Variants in DNM2 observed in about 807,000 individuals in gnomAD.
The protein encoded by DNM2 is dynamin 2.
Under a neutral mutation model 99.0 loss-of-function variants are expected in DNM2, and 15 were observed. The observed-to-expected ratio is 0.15, with a 90% CI of 0.10 to 0.23. The LOEUF (loss-of-function observed/expected upper bound fraction) is 0.23. Among genes scored for constraint, DNM2 ranks in the 10% least tolerant of loss-of-function variants. The pLI is 1.00. For missense variants in DNM2, 742 were observed against 1,189.4 expected (o/e 0.62, Z 5.53); for synonymous variants, 525 against 481.2 (o/e 1.09, Z -1.19).
chr19:10,729,161 T>G (rs2069210640), intron 1 of DNM2, among the ~76,000 whole-genome samples: 2 of 19,378 alleles, frequency 1.0e-4, no homozygotes, highest in African/African-American at 2.8e-4. Flanking sequence ...CGAGACTCCG[T>G]CTCAAAAAAA....
At chr19:10,825,723 C>CG (rs1568322290) in intron 18 of DNM2, among the ~76,000 whole-genome samples, 1 of 150,364 alleles carries the variant, frequency 6.7e-6, no homozygotes, top group African/African-American at 2.5e-5. Context: ...GGCATGGTGG[C>CG]GGGTGCCTGT....
intron 1 of DNM2, among the ~76,000 whole-genome samples, chr19:10,730,608 C>G (rs1449643665): frequency 6.6e-6 from 1 of 152,174 alleles, no homozygotes; most frequent in East Asian, 1.9e-4. Flanking sequence ...TGCAGGGACC[C>G]TGAAGCAAGG....
At chr19:10,828,509 C>T (rs1304741810) in intron 18 of DNM2, among the ~76,000 whole-genome samples, 1 of 151,864 alleles carries the variant, frequency 6.6e-6, no homozygotes, top group Non-Finnish European at 1.5e-5. Context: ...ATGGCATAAA[C>T]CCGGGAGGCG....
Position 10,811,527 on chromosome 19 carries a change from C to T in DNM2, c.1558-737C>T, listed in dbSNP as rs561244137. On this transcript the variant is annotated intron_variant, in intron 14 of 20. Transcript: ENST00000389253. This position sits in a 1 kb window ranked among gnomAD's most constrained non-coding sequence, Gnocchi z 5.4. ...GTCTGTCAGTGCCTGGGTCCCAGGC[C>T]GCCCTGTGCGTGCCTCCGTGTGCTT... is the stretch of plus-strand genomic sequence containing the variant. 1.2e-3 allele frequency: 433 copies of T among 365,896 alleles called. 4 individuals are homozygous for T. The highest frequency in any genetic ancestry group is 8.3e-3 in the African/African-American group (389 of 47,034). The allele number at this position is 365,896 out of a possible 1,614,324, so 22.7% of individuals were successfully genotyped here.
chr19:10,793,606 T>C (rs954958554), intron 7 of DNM2, 114 bp from the exon 8 acceptor site: 52 of 1,593,264 alleles, frequency 3.3e-5, no homozygotes, highest in South Asian at 2.6e-4. Flanking sequence ...ACAGAAGACA[T>C]TTTGCTGCTG....
At chr19:10,804,079 G>A (rs2072252244) in intron 12 of DNM2, among the ~76,000 whole-genome samples, 1 of 152,114 alleles carries the variant, frequency 6.6e-6, no homozygotes. Context: ...GAGAGCCAGC[G>A]GCCAGGCCCC....
intron 1 of DNM2, among the ~76,000 whole-genome samples, chr19:10,758,518 T>TCCTCCCTTC (rs1297369720): frequency 2.8e-4 from 26 of 92,822 alleles, no homozygotes; most frequent in Non-Finnish European, 2.6e-4. Context: ...TTCCTCCCTT[T>TCCTCCCTTC]CCTCCCTTCC....
chr19:10,824,792 T>C (rs1568321670), intron 17 of DNM2: 3 of 503,258 alleles, frequency 6.0e-6, no homozygotes, highest in Non-Finnish European at 7.3e-6. Context: ...CTGGGTGACA[T>C]AGCAAGACTG....
In DNM2 at chr19:10,830,886, G is replaced by C. The variant is rs949132309; in HGVS notation, c.2544-92G>C. Reference sequence around the variant, plus strand: ...CTGGGAACACCCTGGGGTGGTGTGTGGGTGGGGGCTGGGTCCTCAACCCAG... The same window carrying C: ...CTGGGAACACCCTGGGGTGGTGTGTCGGTGGGGGCTGGGTCCTCAACCCAG... On this transcript the variant is annotated intron_variant, in intron 20 of 20. Transcript: ENST00000389253. The surrounding 1 kb of genome is among the most constrained non-coding windows in gnomAD (Gnocchi z 4.8). The C allele has an allele frequency of 6.9e-7, 1 of 1,447,102 alleles. No homozygotes were observed. Among genetic ancestry groups the C allele is most frequent in the Non-Finnish European group, 9.3e-7 (1 of 1,073,472 alleles). 89.6% of individuals were successfully genotyped at this position (1,447,102 alleles called of 1,614,324 possible). A position where few individuals can be genotyped will look rare whatever the true frequency, so the allele number is the denominator to read the frequency against.
chr19:10,782,939 C>A, intron 5 of DNM2, 21 bp from the exon 6 acceptor site: 1 of 1,613,950 alleles, frequency 6.2e-7, no homozygotes, highest in Non-Finnish European at 8.5e-7. Context: ...TTGCCCCTGA[C>A]CTGACTGCCT....
rs186727814 is a variant in DNM2 at position 10,773,305 on chromosome 19, G to A, written c.385+677G>A. Among the ~76,000 whole-genome samples the A allele has an allele frequency of 1.4e-3, 211 of 151,942 alleles. 3 individuals are homozygous for A. Among genetic ancestry groups the A allele is most frequent in the Middle Eastern group, 0.014 (4 of 294 alleles). On this transcript the variant is annotated intron_variant, in intron 3 of 20. Coordinates refer to ENST00000389253, the MANE Select transcript of DNM2 (RefSeq NM_001005361.3). ...TAGGACTAGAGGCAACTGCCGCCAC[G>A]CCTGGCAAATTTTTTGTATTTTTAG...
rs752982316 is a variant in DNM2, at chr19:10,817,409, C to T, written c.1672-2571C>T. ...AGTTTGGGGGGCCTGTCTCGACGAG[C>T]CGCTCACCCAAGCCCAGCCTAACCA... On this transcript the variant is annotated intron_variant, in intron 15 of 20. Transcript: ENST00000389253. This position sits in a 1 kb window ranked among gnomAD's most constrained non-coding sequence, Gnocchi z 4.6. 5.9e-6 allele frequency: 3 copies of T among 505,420 alleles called. No individual in the cohort carries two copies. The highest frequency in any genetic ancestry group is 2.1e-5 in the Admixed American group (1 of 48,076). 31.3% of individuals were successfully genotyped at this position (505,420 alleles called of 1,614,324 possible).
chr19:10,742,409 A>G (rs775755242), intron 1 of DNM2, among the ~76,000 whole-genome samples: 1 of 152,206 alleles, frequency 6.6e-6, no homozygotes, highest in Non-Finnish European at 1.5e-5. Flanking sequence ...AGTCCTGTGG[A>G]ATAGGGCCTT....
chr19:10,831,039 C>A lies in DNM2; in HGVS notation c.2605C>A (p.Leu869Ile). The change falls in exon 21 of 21, where the codon CTC (leucine) becomes ATC (isoleucine). Residue 869 changes from leucine to isoleucine, a missense_variant. Physicochemically the swap from Leu to Ile is conservative, Grantham distance 5. Around this residue, in one of 7 missense-constraint regions of DNM2, gnomAD observed 187 missense variants for 218.8 expected, o/e 0.85. Coordinates refer to ENST00000389253, the MANE Select transcript of DNM2 (RefSeq NM_001005361.3). This position sits in a 1 kb window ranked among gnomAD's most constrained non-coding sequence, Gnocchi z 4.3. ...TIIRPAEPSL[L>I]D ...TATCCGCCCAGCCGAGCCATCCCTGCTCGACTAGGCCTCGAGGGGGGCGTG... is the reference window on the plus strand; with the variant it reads ...TATCCGCCCAGCCGAGCCATCCCTGATCGACTAGGCCTCGAGGGGGGCGTG... 6.2e-7 allele frequency: 1 copy of A among 1,607,986 alleles called. No individual in the cohort carries two copies.
At chr19:10,780,981 G>C (rs2071348899) in intron 5 of DNM2, among the ~76,000 whole-genome samples, 1 of 140,118 alleles carries the variant, frequency 7.1e-6, no homozygotes, top group South Asian at 2.2e-4. Context: ...TTGCACCACT[G>C]TACTCCAGCC....
intron 11 of DNM2, among the ~76,000 whole-genome samples, chr19:10,800,443 C>T (rs565184866): frequency 6.6e-6 from 1 of 152,212 alleles, no homozygotes; most frequent in Non-Finnish European, 1.5e-5. Flanking sequence ...TTTGTTGTTA[C>T]TGTTGGTAAG....
At position 10,750,999 on chromosome 19, in the gene DNM2, G is replaced by C. The variant is rs567263370; in HGVS notation, c.162-8739G>C. Among the ~76,000 whole-genome samples, 18 of 151,796 alleles carry C rather than the reference G, an allele frequency of 1.2e-4. No individual in the cohort carries two copies. The South Asian group carries it at 2.5e-3, about 21-fold the overall frequency. On this transcript the variant is annotated intron_variant, in intron 1 of 20. Transcript: ENST00000389253. ...TGGAATGTTGGAGGATCCCACCTTGGGGAGCTGTGTGTGAGCTCCCCACAC... is the reference window on the plus strand; with the variant it reads ...TGGAATGTTGGAGGATCCCACCTTGCGGAGCTGTGTGTGAGCTCCCCACAC...
At chr19:10,720,219 T>TA (rs201002383) in intron 1 of DNM2, among the ~76,000 whole-genome samples, 7,604 of 147,482 alleles carry the variant, frequency 0.052, 186 homozygotes, top group South Asian at 0.094. Flanking sequence ...TTTATTTATT[T>TA]TTTTTTTTTT....
At chr19:10,718,695 G>T (rs925603462) in intron 1 of DNM2, 1 of 272,342 alleles carries the variant, frequency 3.7e-6, no homozygotes, top group African/African-American at 2.2e-5. Flanking sequence ...CGTGGGTGAA[G>T]TCTGCCATCT....
Sources: allele counts gnomAD v4.1 joint callset (sites outside exome capture counted in the v4.1 genomes callset), GRCh38; gene constraint gnomAD v4.1.1; regional missense constraint gnomAD v4.1.1; non-coding constraint Gnocchi (gnomAD v3.1); transcripts MANE v1.5; gene names NCBI Gene and HGNC (gene_info 2026-07-23, HGNC 2026-07-21).